SH2D1A: variants seen among roughly 807,000 people sequenced by gnomAD.
SH2D1A encodes the protein SH2 domain-containing protein 1A.
In SH2D1A, 6 loss-of-function variants were observed where a neutral mutation model predicts 10.1. That is an observed-to-expected ratio of 0.60 (90% CI 0.33 to 1.18). The LOEUF is 1.18. SH2D1A is among the 50% of genes most tolerant of loss of function. SH2D1A has a pLI of 0.04. For synonymous variants in SH2D1A, 42 were observed against 36.9 expected (o/e 1.14, Z -0.51); for missense variants, 51 against 97.6 (o/e 0.52, Z 2.01).
At chrX:124,350,177 A>G (rs2060004374) in intron 1 of SH2D1A, among the ~76,000 whole-genome samples, 2 of 68,041 alleles carry the variant, frequency 2.9e-5, no homozygotes, top group Non-Finnish European at 5.2e-5. Context: ...ATAAATATCT[A>G]ATATATATAA....
intron 1 of SH2D1A, among the ~76,000 whole-genome samples, chrX:124,361,749 A>G (rs1359923132): frequency 8.9e-6 from 1 of 112,103 alleles, no homozygotes; most frequent in East Asian, 2.8e-4. Context: ...AAAAAAATTG[A>G]CTTTTTATCT....
At chrX:124,356,749 G>A (rs777150128) in intron 1 of SH2D1A, among the ~76,000 whole-genome samples, 2 of 112,341 alleles carry the variant, frequency 1.8e-5, no homozygotes, top group Non-Finnish European at 3.8e-5. Context: ...GTGAGCCATC[G>A]TGCCCAGCCA....
chrX:124,348,012 G>A (rs1408695599), intron 1 of SH2D1A, among the ~76,000 whole-genome samples: 2 of 111,440 alleles, frequency 1.8e-5, no homozygotes, highest in Admixed American at 1.9e-4. Context: ...ATACCTTATG[G>A]GTCAGTGAAG....
intron 1 of SH2D1A, among the ~76,000 whole-genome samples, chrX:124,347,318 C>T (rs1415415638): frequency 9.1e-6 from 1 of 109,373 alleles, no homozygotes; most frequent in Non-Finnish European, 1.9e-5. Context: ...AATCACCTCT[C>T]TGGATCTGCT....
intron 1 of SH2D1A, among the ~76,000 whole-genome samples, chrX:124,351,256 A>G (rs1471546980): frequency 4.7e-5 from 5 of 107,369 alleles, no homozygotes; most frequent in Admixed American, 1.0e-4. Context: ...TAATGGCTGC[A>G]TGGTAGTCCA....
At chrX:124,351,477 T>A (rs904743518) in intron 1 of SH2D1A, among the ~76,000 whole-genome samples, 1 of 110,851 alleles carries the variant, frequency 9.0e-6, no homozygotes, top group Non-Finnish European at 1.9e-5. Flanking sequence ...TCTTGATATA[T>A]ACATGATCAT....
At chrX:124,364,140 T>A (rs1201450397) in intron 1 of SH2D1A, among the ~76,000 whole-genome samples, 2 of 110,205 alleles carry the variant, frequency 1.8e-5, no homozygotes, top group Non-Finnish European at 3.8e-5. Context: ...TTCTGGAATA[T>A]GAATATCATA....
At chrX:124,357,705 G>A (rs1326801863) in intron 1 of SH2D1A, among the ~76,000 whole-genome samples, 2 of 111,777 alleles carry the variant, frequency 1.8e-5, no homozygotes, top group African/African-American at 3.3e-5. Context: ...TCTCATTGTG[G>A]TTTCATTTGC....
In SH2D1A at chrX:124,373,146, G is replaced by A. The variant is rs1049817964; in HGVS notation, c.*1755G>A. ...TCACATTTAAATAAAGTGTTTGAAA[G>A]CTTTATTTACCTAATTTGTCTTGAA... On this transcript the variant is annotated 3_prime_UTR_variant, in exon 4 of 4. Transcript: ENST00000371139. 60 of 140,382 alleles carry A rather than the reference G, an allele frequency of 4.3e-4. No homozygotes were observed. Among genetic ancestry groups the A allele is most frequent in the Non-Finnish European group, 6.8e-4 (48 of 70,338 alleles). 11.6% of individuals were successfully genotyped at this position (140,382 alleles called of 1,213,427 possible).
At chrX:124,347,981 A>G (rs781210202) in intron 1 of SH2D1A, among the ~76,000 whole-genome samples, 1 of 111,534 alleles carries the variant, frequency 9.0e-6, no homozygotes, top group South Asian at 3.8e-4. Flanking sequence ...AGCATCTGAT[A>G]ATACCCCACA....
Position 124,364,314 on chromosome X carries a change from G to A in SH2D1A, c.138-1447G>A, listed in dbSNP as rs146595627. ...TTAACAAAAAAGTTTAAATAGCAAA[G>A]AATACATAAAATAAAAATTTTGAAA... On this transcript the variant is annotated intron_variant, in intron 1 of 3. Coordinates refer to ENST00000371139, the MANE Select transcript of SH2D1A (RefSeq NM_002351.5). The A allele has an allele frequency of 1.6e-3, 338 of 205,557 alleles. 1 individual carries two copies. Among genetic ancestry groups the A allele is most frequent in the African/African-American group, 9.7e-3 (315 of 32,563 alleles). The allele number at this position is 205,557 out of a possible 1,213,427, so 16.9% of individuals were successfully genotyped here.
intron 2 of SH2D1A, among the ~76,000 whole-genome samples, chrX:124,366,584 G>A (rs1052828764): frequency 9.0e-6 from 1 of 111,112 alleles, no homozygotes. Flanking sequence ...ACTTCAAGAA[G>A]TTAAAATAGC....
chrX:124,348,429 T>C (rs1456467121), intron 1 of SH2D1A, among the ~76,000 whole-genome samples: 1 of 111,387 alleles, frequency 9.0e-6, no homozygotes, highest in Non-Finnish European at 1.9e-5. Context: ...AGGCAAGATA[T>C]ACCTAAGGCT....
Position 124,358,921 on chromosome X carries a change from T to C in SH2D1A, c.138-6840T>C, listed in dbSNP as rs184414882. Reference sequence around the variant, plus strand: ...GATGCTGTTGTCCTGGGAATGCAATTTGAGTTGCACTGTTTTAGATCTCTT... The same window carrying C: ...GATGCTGTTGTCCTGGGAATGCAATCTGAGTTGCACTGTTTTAGATCTCTT... On this transcript the variant is annotated intron_variant, in intron 1 of 3. Coordinates refer to ENST00000371139, the MANE Select transcript of SH2D1A (RefSeq NM_002351.5). 8.9e-5 allele frequency among the ~76,000 whole-genome samples: 10 copies of C among 111,829 alleles called. No individual in the cohort carries two copies. The East Asian group carries it at 2.8e-3, about 31-fold the overall frequency.
intron 1 of SH2D1A, among the ~76,000 whole-genome samples, chrX:124,361,605 A>G (rs929557867): frequency 8.9e-6 from 1 of 112,280 alleles, no homozygotes; most frequent in Non-Finnish European, 1.9e-5. Context: ...GTTGCAGGTT[A>G]TTCTGATGAG....
At chrX:124,359,968 C>T (rs891794910) in intron 1 of SH2D1A, among the ~76,000 whole-genome samples, 6 of 110,200 alleles carry the variant, frequency 5.4e-5, no homozygotes, top group African/African-American at 1.3e-4. Flanking sequence ...TGCAATGGTG[C>T]GATCTCAGCG....
chrX:124,371,511 G>A lies in SH2D1A; in HGVS notation c.*120G>A. ...GCATTTCTAAAGCCATTGTAGTCCT[G>A]TAATGGAAGCATCTAGCATGTCGTC... On this transcript the variant is annotated 3_prime_UTR_variant, in exon 4 of 4. Coordinates refer to ENST00000371139, the MANE Select transcript of SH2D1A (RefSeq NM_002351.5). The A allele has an allele frequency of 2.3e-6, 1 of 440,996 alleles. No individual in the cohort carries two copies. The highest frequency in any genetic ancestry group is 3.8e-6 in the Non-Finnish European group (1 of 264,674). The allele number at this position is 440,996 out of a possible 1,213,427, so 36.3% of individuals were successfully genotyped here.
At chrX:124,359,803 T>C (rs1266562652) in intron 1 of SH2D1A, among the ~76,000 whole-genome samples, 2 of 112,540 alleles carry the variant, frequency 1.8e-5, no homozygotes, top group Non-Finnish European at 3.8e-5. Context: ...GTAGTTAAAT[T>C]GACCTTTTGT....
Position 124,346,577 on chromosome X carries a change from T to TGCA in SH2D1A, c.-64_-62dup, listed in dbSNP as rs924971778. 8.5e-7 allele frequency: 1 copy of TGCA among 1,175,398 alleles called. No individual in the cohort carries two copies. The highest frequency in any genetic ancestry group is 1.8e-5 in the African/African-American group (1 of 56,696). ...GTCAGGTGGTTGACTTGTGCCTGGCTGCAGTAGCAGCGGCATCTCCCTTGC... is the reference window on the plus strand; with the variant it reads ...GTCAGGTGGTTGACTTGTGCCTGGCTGCAGCAGTAGCAGCGGCATCTCCCTTGC... On this transcript the variant is annotated 5_prime_UTR_variant, in exon 1 of 4. Coordinates refer to ENST00000371139, the MANE Select transcript of SH2D1A (RefSeq NM_002351.5).
Sources: allele counts gnomAD v4.1 joint callset (sites outside exome capture counted in the v4.1 genomes callset), GRCh38; gene constraint gnomAD v4.1.1; transcripts MANE v1.5; gene names NCBI Gene and HGNC (gene_info 2026-07-23, HGNC 2026-07-21).